The following DDX4 variants were observed in gnomAD, a reference collection of about 807,000 sequenced individuals.
The protein encoded by DDX4 is probable ATP-dependent RNA helicase DDX4.
Under a neutral mutation model 100.0 loss-of-function variants are expected in DDX4, and 25 were observed. That is an observed-to-expected ratio of 0.25 (90% confidence interval 0.18 to 0.35). DDX4 has a LOEUF of 0.35. DDX4 is among the 10% of genes least tolerant of loss of function. The probability of loss-of-function intolerance (pLI) is 1.00; values close to 1 mark genes in which losing one functional copy is unlikely to be tolerated. For synonymous variants in DDX4, 259 were observed against 275.7 expected (o/e 0.94, Z 0.60); for missense variants, 635 against 882.4 (o/e 0.72, Z 3.55).
chr5:55,761,422 A>G (rs1008295437), intron 4 of DDX4, among the ~76,000 whole-genome samples: 2 of 152,118 alleles, frequency 1.3e-5, no homozygotes, highest in African/African-American at 4.8e-5. Flanking sequence ...GAAAATCATC[A>G]CTGAGGCAGA....
chr5:55,792,606 C>T lies in DDX4; in HGVS notation c.1303-35C>T, dbSNP rs373225317. On this transcript the variant is annotated intron_variant, in intron 16 of 21. Coordinates refer to ENST00000505374, the MANE Select transcript of DDX4 (RefSeq NM_024415.3). Reference sequence around the variant, plus strand: ...GAATAGTTTAATATAAACTAATATGCATTTTCTGTTTTACCTTTGAAAATA... The same window carrying T: ...GAATAGTTTAATATAAACTAATATGTATTTTCTGTTTTACCTTTGAAAATA... The T allele has an allele frequency of 4.4e-6, 5 of 1,128,820 alleles. No individual in the cohort carries two copies. In the Admixed American group the frequency reaches 7.6e-5, roughly 17 times the overall value. The allele number at this position is 1,128,820 out of a possible 1,614,324, so 69.9% of individuals were successfully genotyped here.
At chr5:55,801,623 T>G (rs943263766) in intron 18 of DDX4, among the ~76,000 whole-genome samples, 2 of 152,192 alleles carry the variant, frequency 1.3e-5, no homozygotes, top group African/African-American at 4.8e-5. Context: ...ATCTCAGAGA[T>G]AGTCTTGATG....
chr5:55,760,313 G>A, intron 4 of DDX4, 36 bp downstream of exon 4: 1 of 1,512,346 alleles, frequency 6.6e-7, no homozygotes, highest in Non-Finnish European at 8.8e-7. Context: ...CTCCTGAACT[G>A]TTGAATAATT....
At chr5:55,760,015 ATTTTTC>A (rs1489108544) in intron 3 of DDX4, among the ~76,000 whole-genome samples, 179 bp from the exon 4 acceptor site, 1 of 144,916 alleles carries the variant, frequency 6.9e-6, no homozygotes, top group Non-Finnish European at 1.5e-5. Context: ...GTCACAATTT[ATTTTTC>A]TTTAGGAGAA....
intron 17 of DDX4, 129 bp from the exon 18 acceptor site, chr5:55,798,297 C>A (rs1743087455): frequency 6.1e-6 from 6 of 987,312 alleles, no homozygotes; most frequent in Admixed American, 5.6e-5. Flanking sequence ...TATAAGTAAC[C>A]AACCATCTTA....
intron 12 of DDX4, 35 bp from the exon 13 acceptor site, chr5:55,785,692 CTG>C (rs552119852): frequency 1.3e-4 from 208 of 1,574,394 alleles, no homozygotes; most frequent in Admixed American, 1.3e-3. Context: ...CTTGTAGTCT[CTG>C]TAACGTACAT....
chr5:55,801,158 A>G (rs1743271168), intron 18 of DDX4, among the ~76,000 whole-genome samples: 1 of 151,628 alleles, frequency 6.6e-6, no homozygotes, highest in East Asian at 1.9e-4. Flanking sequence ...TTTGATGTGG[A>G]TAGCTTTGAA....
At chr5:55,780,198 A>G in intron 8 of DDX4, 133 bp downstream of exon 8, 8 of 1,313,478 alleles carry the variant, frequency 6.1e-6, no homozygotes, top group Non-Finnish European at 8.2e-6. Context: ...ATACACATTA[A>G]TCACCACATT....
intron 1 of DDX4, chr5:55,738,412 C>A (rs1352623754): frequency 6.4e-6 from 1 of 156,140 alleles, no homozygotes; most frequent in Non-Finnish European, 1.4e-5. Context: ...ATTTGGGCAA[C>A]CATACCCTTC....
At chr5:55,787,162 C>G (rs192766644) in intron 14 of DDX4, among the ~76,000 whole-genome samples, 1 of 152,140 alleles carries the variant, frequency 6.6e-6, no homozygotes, top group Admixed American at 6.6e-5. Flanking sequence ...TGTTAATTAA[C>G]GACTCCATAA....
intron 7 of DDX4, among the ~76,000 whole-genome samples, chr5:55,772,771 T>A (rs1042248628): frequency 1.3e-5 from 2 of 152,206 alleles, no homozygotes; most frequent in South Asian, 2.1e-4. Context: ...CCCTTTCACC[T>A]TCAGCCATGG....
Position 55,738,968 on chromosome 5 carries a change from G to C in DDX4, c.5G>C (p.Gly2Ala). 2 of 1,598,254 alleles carry C rather than the reference G, an allele frequency of 1.3e-6. No individual in the cohort carries two copies. Among genetic ancestry groups the C allele is most frequent in the Non-Finnish European group, 1.7e-6 (2 of 1,166,322 alleles). The change falls in exon 2 of 22, where the codon GGA becomes GCA. Residue 2 changes from glycine to alanine, a missense_variant. By Grantham distance (60) the Gly-to-Ala change is moderately conservative (BLOSUM62 0). Coordinates refer to ENST00000505374, the MANE Select transcript of DDX4 (RefSeq NM_024415.3). M[G>A]DEDWEAEINP... is the part of the protein sequence containing the mutation. ...TGAATAGAACTTGAAGCCACCATGGGAGATGAAGATTGGGAAGCAGAAATC... is the reference window on the plus strand; with the variant it reads ...TGAATAGAACTTGAAGCCACCATGGCAGATGAAGATTGGGAAGCAGAAATC...
intron 18 of DDX4, among the ~76,000 whole-genome samples, chr5:55,803,649 C>A (rs1055375164): frequency 1.1e-4 from 17 of 151,884 alleles, no homozygotes; most frequent in African/African-American, 4.1e-4. Flanking sequence ...CTACAAAGGA[C>A]ATGAACTCAT....
chr5:55,797,090 T>C (rs1040239614), intron 17 of DDX4, among the ~76,000 whole-genome samples: 2 of 152,074 alleles, frequency 1.3e-5, no homozygotes, highest in Non-Finnish European at 2.9e-5. Context: ...GTGATCCACA[T>C]GCCTTGGCCT....
intron 19 of DDX4, 88 bp downstream of exon 19, chr5:55,813,860 A>G (rs1744246041): frequency 7.4e-7 from 1 of 1,353,948 alleles, no homozygotes. Context: ...ATATGATATA[A>G]TCCTAGGATT....
At chr5:55,762,402 G>A (rs2111800141) in intron 4 of DDX4, among the ~76,000 whole-genome samples, 1 of 152,222 alleles carries the variant, frequency 6.6e-6, no homozygotes, top group Non-Finnish European at 1.5e-5. Context: ...AGTATGCTGT[G>A]GGAATGTGGA....
Position 55,766,954 on chromosome 5 carries a change from A to G in DDX4, c.335-927A>G, listed in dbSNP as rs776011709. ...AATGGGGTCTAGGAATTTATTTTTA[A>G]CCAACTCTCCAGGTAGTTTTCAGGC... On this transcript the variant is annotated intron_variant, in intron 6 of 21. Transcript: ENST00000505374. 2.0e-6 allele frequency: 3 copies of G among 1,524,076 alleles called. 1 individual carries two copies. In the South Asian group the frequency reaches 3.6e-5, roughly 18 times the overall value. The allele number at this position is 1,524,076 out of a possible 1,614,324, so 94.4% of individuals were successfully genotyped here. A position where few individuals can be genotyped will look rare whatever the true frequency, so the allele number is the denominator to read the frequency against.
rs1744455035 is a variant in DDX4 at position 55,816,984 on chromosome 5, A to C, written c.*444A>C. The C allele has an allele frequency of 6.5e-6, 1 of 154,110 alleles. No homozygotes were observed. Among genetic ancestry groups the C allele is most frequent in the Non-Finnish European group, 1.4e-5 (1 of 69,390 alleles). 9.5% of individuals were successfully genotyped at this position (154,110 alleles called of 1,614,324 possible). On this transcript the variant is annotated 3_prime_UTR_variant, in exon 22 of 22. Coordinates refer to ENST00000505374, the MANE Select transcript of DDX4 (RefSeq NM_024415.3). ...GTGATAATCTTTAAGAGAAAGTAGAATACTTAAGCCTTTCAAAGTGATTTT... is the reference window on the plus strand; with the variant it reads ...GTGATAATCTTTAAGAGAAAGTAGACTACTTAAGCCTTTCAAAGTGATTTT...
intron 3 of DDX4, among the ~76,000 whole-genome samples, chr5:55,757,266 C>T (rs1400792370): frequency 6.6e-6 from 1 of 152,168 alleles, no homozygotes; most frequent in Non-Finnish European, 1.5e-5. Flanking sequence ...CACCCCTCAT[C>T]GCACTCCTTT....
Sources: allele counts gnomAD v4.1 joint callset (sites outside exome capture counted in the v4.1 genomes callset), GRCh38; gene constraint gnomAD v4.1.1; transcripts MANE v1.5; gene names NCBI Gene and HGNC (gene_info 2026-07-23, HGNC 2026-07-21).